The following SLC24A4 variants were observed in gnomAD, a reference collection of about 807,000 sequenced individuals.
The protein encoded by SLC24A4 is sodium/potassium/calcium exchanger 4.
Under a neutral mutation model 79.0 loss-of-function variants are expected in SLC24A4, and 53 were observed. The observed-to-expected ratio is 0.67, with a 90% CI of 0.54 to 0.84. SLC24A4 has a LOEUF of 0.84. SLC24A4 is among the 40% of genes least tolerant of loss of function. The probability of loss-of-function intolerance (pLI) is 0.00; values close to 1 mark genes in which losing one functional copy is unlikely to be tolerated. For missense variants in SLC24A4, 731 were observed against 822.0 expected (o/e 0.89, Z 1.35); for synonymous variants, 323 against 323.8 (o/e 1.00, Z 0.03).
intron 2 of SLC24A4, among the ~76,000 whole-genome samples, chr14:92,358,038 T>C (rs1179303868): frequency 6.6e-6 from 1 of 152,252 alleles, no homozygotes; most frequent in African/African-American, 2.4e-5. Flanking sequence ...GAGAAAGTGC[T>C]GCTGGCAGGC....
In SLC24A4 at chr14:92,497,854, C is replaced by T. The variant is rs1411477745; in HGVS notation, c.*4226C>T. 2.0e-5 allele frequency: 3 copies of T among 152,264 alleles called. No individual in the cohort carries two copies. Among genetic ancestry groups the T allele is most frequent in the African/African-American group, 7.2e-5 (3 of 41,456 alleles). 9.4% of individuals were successfully genotyped at this position (152,264 alleles called of 1,614,324 possible). ...CTGTGCTGTCCCTGTGATCCACTCT[C>T]AGCAAATGCGTGTGGCTCAAATAAA... On this transcript the variant is annotated 3_prime_UTR_variant, in exon 17 of 17. Transcript: ENST00000532405.
intron 2 of SLC24A4, among the ~76,000 whole-genome samples, chr14:92,415,866 A>G (rs1363152298): frequency 1.3e-5 from 2 of 151,994 alleles, no homozygotes; most frequent in Non-Finnish European, 2.9e-5. Flanking sequence ...GGGTGCACCC[A>G]TCACCCAAGC....
intron 2 of SLC24A4, among the ~76,000 whole-genome samples, chr14:92,342,363 C>CATTT (rs10664923): frequency 0.67 from 91,565 of 137,276 alleles, 31,370 homozygotes; most frequent in Non-Finnish European, 0.75. Context: ...TTTTTTTCCC[C>CATTT]ATTTATTTAT....
At chr14:92,463,960 G>T (rs1307515274) in intron 12 of SLC24A4, among the ~76,000 whole-genome samples, 5 of 152,094 alleles carry the variant, frequency 3.3e-5, no homozygotes, top group Non-Finnish European at 4.4e-5. Context: ...GTCCATCCAC[G>T]CTGTACTATG....
Position 92,441,348 on chromosome 14 carries a change from G to C in SLC24A4, c.394-741G>C, listed in dbSNP as rs776787016. On this transcript the variant is annotated intron_variant, in intron 4 of 16. Transcript: ENST00000532405. The surrounding 1 kb of genome is among the most constrained non-coding windows in gnomAD (Gnocchi z 4.6). ...GATCAGAGGATGGGCTCTGTGGCCA[G>C]ACATGACCCGGACAGGCAGAACAGG... Among the ~76,000 whole-genome samples, 1 of 152,160 alleles carries C rather than the reference G, an allele frequency of 6.6e-6. No homozygotes were observed. Among genetic ancestry groups the C allele is most frequent in the Non-Finnish European group, 1.5e-5 (1 of 68,026 alleles).
intron 12 of SLC24A4, among the ~76,000 whole-genome samples, chr14:92,459,347 C>T (rs1893662373): frequency 6.6e-6 from 1 of 152,172 alleles, no homozygotes; most frequent in African/African-American, 2.4e-5. Flanking sequence ...GGGTCAGAGG[C>T]TTAGAATGCA....
intron 3 of SLC24A4, among the ~76,000 whole-genome samples, chr14:92,436,256 C>T (rs1406756399): frequency 6.6e-6 from 1 of 152,168 alleles, no homozygotes; most frequent in Non-Finnish European, 1.5e-5. Context: ...AATTCACTCA[C>T]TATCACGAGA....
chr14:92,340,692 C>T (rs891605029), intron 2 of SLC24A4, among the ~76,000 whole-genome samples: 1 of 152,078 alleles, frequency 6.6e-6, no homozygotes, highest in Non-Finnish European at 1.5e-5. Flanking sequence ...CATCTGGAGC[C>T]AAGGGATGGC....
intron 16 of SLC24A4, among the ~76,000 whole-genome samples, chr14:92,493,175 G>GCCC (rs903842862): frequency 6.6e-5 from 10 of 152,124 alleles, no homozygotes; most frequent in Non-Finnish European, 1.2e-4. Context: ...AGGACCACAT[G>GCCC]CCTACGACCA....
chr14:92,455,360 A>T (rs1164153368), intron 11 of SLC24A4, among the ~76,000 whole-genome samples: 1 of 152,236 alleles, frequency 6.6e-6, no homozygotes, highest in Non-Finnish European at 1.5e-5. Flanking sequence ...AAACTATCTG[A>T]ATGCCCATCA....
chr14:92,353,216 G>A lies in SLC24A4; in HGVS notation c.241+27238G>A, dbSNP rs571578743. On this transcript the variant is annotated intron_variant, in intron 2 of 16. Coordinates refer to ENST00000532405, the MANE Select transcript of SLC24A4 (RefSeq NM_153646.4). The surrounding 1 kb of genome is among the most constrained non-coding windows in gnomAD (Gnocchi z 4.1). ...AGGAGCATGACATACTCTTTGATCC[G>A]TACCTATCTTTGCTCAATATTGAAG... Among the ~76,000 whole-genome samples the A allele has an allele frequency of 7.1e-4, 108 of 152,228 alleles. 1 individual carries two copies. Among genetic ancestry groups the A allele is most frequent in the East Asian group, 5.8e-4 (3 of 5,182 alleles).
At chr14:92,395,417 A>T (rs1889706546) in intron 2 of SLC24A4, among the ~76,000 whole-genome samples, 1 of 134,734 alleles carries the variant, frequency 7.4e-6, no homozygotes. Flanking sequence ...GATGATTCAA[A>T]ACAAAACAAA....
At chr14:92,352,599 C>G (rs1381447973) in intron 2 of SLC24A4, among the ~76,000 whole-genome samples, 3 of 152,330 alleles carry the variant, frequency 2.0e-5, no homozygotes, top group African/African-American at 7.2e-5. Context: ...GTGACATCCT[C>G]CTCATTTTGC....
intron 8 of SLC24A4, among the ~76,000 whole-genome samples, chr14:92,446,280 G>T (rs1223212190): frequency 2.0e-5 from 3 of 151,952 alleles, no homozygotes; most frequent in African/African-American, 7.3e-5. Context: ...CCAAGTAGCT[G>T]GGACTACAGG....
At chr14:92,407,857 TTGTG>T (rs60398538) in intron 2 of SLC24A4, among the ~76,000 whole-genome samples, 1,882 of 143,660 alleles carry the variant, frequency 0.013, 28 homozygotes, top group African/African-American at 0.033. Context: ...CAGAGTGATA[TTGTG>T]TGTGTGTGTG....
rs1891405539 is a variant in SLC24A4, at chr14:92,423,581, C to T, written c.242-10331C>T. ...TAGTGCAGGAGAAAGAGAGTAGAGA[C>T]ACAACTAAAGATTGCTGCTAGCTGT... is the stretch of plus-strand genomic sequence containing the variant. On this transcript the variant is annotated intron_variant, in intron 2 of 16. Coordinates refer to ENST00000532405, the MANE Select transcript of SLC24A4 (RefSeq NM_153646.4). 2.0e-5 allele frequency among the ~76,000 whole-genome samples: 3 copies of T among 152,200 alleles called. No individual in the cohort carries two copies. In the South Asian group the frequency reaches 6.2e-4, roughly 32 times the overall value.
In SLC24A4 at chr14:92,495,221, C is replaced by G. The variant is rs1895883214; in HGVS notation, c.*1593C>G. 6.6e-6 allele frequency: 1 copy of G among 152,460 alleles called. No individual in the cohort carries two copies. Among genetic ancestry groups the G allele is most frequent in the Admixed American group, 6.5e-5 (1 of 15,280 alleles). The allele number at this position is 152,460 out of a possible 1,614,324, so 9.4% of individuals were successfully genotyped here. On this transcript the variant is annotated 3_prime_UTR_variant, in exon 17 of 17. Transcript: ENST00000532405. The stretch of plus-strand genomic sequence containing the variant: ...GCTGGTTGGAATTTCTGACTGTGCC[C>G]TTTAGGGCCTCCTGAGTTTCAAAAG...
chr14:92,439,476 C>T (rs1426063521), intron 4 of SLC24A4, 67 bp downstream of exon 4: 18 of 1,411,462 alleles, frequency 1.3e-5, no homozygotes, highest in Non-Finnish European at 1.7e-5. Context: ...AATGCCAAGC[C>T]AAGAAGGCCA....
At chr14:92,327,731 G>A (rs1885229645) in intron 2 of SLC24A4, among the ~76,000 whole-genome samples, 1 of 152,102 alleles carries the variant, frequency 6.6e-6, no homozygotes, top group Non-Finnish European at 1.5e-5. Context: ...GCCCCGCTGT[G>A]GGCTCTGTGT....
Sources: gnomAD v4.1 joint callset for allele counts (sites outside exome capture counted in the v4.1 genomes callset) on GRCh38, gnomAD v4.1.1 for gene constraint, Gnocchi (gnomAD v3.1) non-coding constraint, MANE v1.5 for transcripts, NCBI Gene and HGNC (gene_info 2026-07-23, HGNC 2026-07-21) for gene names.